The following SEMA3C variants were observed in gnomAD, a reference collection of about 807,000 sequenced individuals.
SEMA3C encodes the protein semaphorin 3C.
SEMA3C carries 47 observed loss-of-function variants against 89.4 expected under a neutral mutation model. The ratio of observed to expected loss-of-function variants is 0.53; its 90% confidence interval spans 0.42 to 0.67. SEMA3C has a LOEUF of 0.67. Among genes scored for constraint, SEMA3C ranks in the 30% least tolerant of loss-of-function variants. The pLI is 0.00. For missense variants in SEMA3C, 839 were observed against 929.1 expected (o/e 0.90, Z 1.26); for synonymous variants, 310 against 320.2 (o/e 0.97, Z 0.34).
intron 2 of SEMA3C, among the ~76,000 whole-genome samples, chr7:80,851,537 T>C (rs1377996499): frequency 7.4e-6 from 1 of 134,244 alleles, no homozygotes; most frequent in African/African-American, 2.8e-5. Flanking sequence ...AAAAAGACAT[T>C]CATAGTTTCT....
chr7:80,832,428 T>A (rs907426418), intron 2 of SEMA3C, among the ~76,000 whole-genome samples: 2 of 152,172 alleles, frequency 1.3e-5, no homozygotes, highest in Non-Finnish European at 1.5e-5. Context: ...AGATTATCTA[T>A]CTAATTAGAT....
intron 2 of SEMA3C, among the ~76,000 whole-genome samples, chr7:80,876,583 C>A (rs1304051752): frequency 6.6e-6 from 1 of 152,152 alleles, no homozygotes; most frequent in Non-Finnish European, 1.5e-5. Context: ...TGTAGTAAAA[C>A]ATTTGCAAAG....
intron 11 of SEMA3C, among the ~76,000 whole-genome samples, chr7:80,794,182 T>C (rs1043058014): frequency 1.5e-4 from 23 of 152,026 alleles, no homozygotes; most frequent in African/African-American, 5.1e-4. Context: ...TCTTGTAGTG[T>C]ATGCTGTACC....
At chr7:80,841,751 C>T (rs1217046391) in intron 2 of SEMA3C, among the ~76,000 whole-genome samples, 3 of 152,140 alleles carry the variant, frequency 2.0e-5, no homozygotes, top group African/African-American at 4.8e-5. Flanking sequence ...CTTTTGAACA[C>T]AGGAAAAATA....
At position 80,744,150 on chromosome 7, in the gene SEMA3C, A is replaced by G. The variant is rs561667556; in HGVS notation, c.*744T>C. On this transcript the variant is annotated 3_prime_UTR_variant, in exon 18 of 18. Coordinates refer to ENST00000265361, the MANE Select transcript of SEMA3C (RefSeq NM_006379.5). ...GAGTCTAAAATAAATAACTTCCAAAAAAAGTAAGTGCTTTTGTTTGGAAGG... is the reference window on the plus strand; with the variant it reads ...GAGTCTAAAATAAATAACTTCCAAAGAAAGTAAGTGCTTTTGTTTGGAAGG... The G allele has an allele frequency of 6.7e-6, 1 of 150,088 alleles. No individual in the cohort carries two copies. The highest frequency in any genetic ancestry group is 2.4e-5 in the African/African-American group (1 of 40,980). 9.3% of individuals were successfully genotyped at this position (150,088 alleles called of 1,614,324 possible). A position where few individuals can be genotyped will look rare whatever the true frequency, so the allele number is the denominator to read the frequency against.
chr7:80,919,173 C>G (rs1262675919), upstream of SEMA3C: 1 of 984,812 alleles, frequency 1.0e-6, no homozygotes, highest in East Asian at 1.1e-4. Context: ...CCGCGCAGCC[C>G]CGGCCGCATC....
rs566806118 is a variant in SEMA3C at position 80,764,524 on chromosome 7, C to T, written c.1443+631G>A. Among the ~76,000 whole-genome samples, 131 of 152,210 alleles carry T rather than the reference C, an allele frequency of 8.6e-4. 3 individuals carry two copies. The highest frequency in any genetic ancestry group is 3.0e-3 in the African/African-American group (123 of 41,528). ...ATAAAGAACATGCACTCTGCCCTGA[C>T]CAGGTGAGATCTTACAGTACTGAAC... On this transcript the variant is annotated intron_variant, in intron 13 of 17. Coordinates refer to ENST00000265361, the MANE Select transcript of SEMA3C (RefSeq NM_006379.5).
chr7:80,905,923 A>C, intron 2 of SEMA3C: 1 of 1,283,794 alleles, frequency 7.8e-7, no homozygotes, highest in Non-Finnish European at 1.0e-6. Context: ...GGCTCTGGAA[A>C]AGAGTCATGG....
In SEMA3C at chr7:80,742,853, CAG is replaced by C. The variant is rs1218704768; in HGVS notation, c.*2039_*2040del. The stretch of plus-strand genomic sequence containing the variant: ...AAAAAAAATTTTCTTTTACATTCAG[CAG>C]AGTTATGTTCATGAAGAATTTCTAC... On this transcript the variant is annotated 3_prime_UTR_variant, in exon 18 of 18. Transcript: ENST00000265361. The C allele has an allele frequency of 3.3e-5, 5 of 151,812 alleles. No individual in the cohort carries two copies. Among genetic ancestry groups the C allele is most frequent in the African/African-American group, 7.3e-5 (3 of 41,362 alleles). 9.4% of individuals were successfully genotyped at this position (151,812 alleles called of 1,614,324 possible).
chr7:80,844,256 C>A (rs1044207735), intron 2 of SEMA3C, among the ~76,000 whole-genome samples: 1 of 152,134 alleles, frequency 6.6e-6, no homozygotes, highest in African/African-American at 2.4e-5. Context: ...CAGTGTTATG[C>A]TATAAACTGA....
intron 2 of SEMA3C, among the ~76,000 whole-genome samples, chr7:80,859,250 T>C (rs973179600): frequency 1.3e-5 from 2 of 152,202 alleles, no homozygotes; most frequent in African/African-American, 4.8e-5. Flanking sequence ...GTTATATGTT[T>C]ATGCATACAT....
At chr7:80,828,436 C>G (rs562239842) in intron 3 of SEMA3C, 149 bp downstream of exon 3, 12 of 613,782 alleles carry the variant, frequency 2.0e-5, no homozygotes, top group Non-Finnish European at 3.1e-5. Flanking sequence ...CTTTTCAGTC[C>G]ATGAAATAAG....
intron 11 of SEMA3C, among the ~76,000 whole-genome samples, chr7:80,796,862 A>G (rs1421577650): frequency 6.6e-6 from 1 of 152,212 alleles, no homozygotes; most frequent in African/African-American, 2.4e-5. Flanking sequence ...TTTTTGGAAT[A>G]AAATATGCTC....
At chr7:80,824,613 C>A (rs1274836359) in intron 4 of SEMA3C, among the ~76,000 whole-genome samples, 1 of 152,082 alleles carries the variant, frequency 6.6e-6, no homozygotes, top group Admixed American at 6.6e-5. Context: ...CTTAAATAAC[C>A]CAGCTGTGCT....
At chr7:80,747,438 CTTGT>C (rs1787827751) in intron 17 of SEMA3C, among the ~76,000 whole-genome samples, 1 of 151,884 alleles carries the variant, frequency 6.6e-6, no homozygotes, top group Non-Finnish European at 1.5e-5. Context: ...TTAGTTGATC[CTTGT>C]TTAAGTATTA....
intron 15 of SEMA3C, among the ~76,000 whole-genome samples, chr7:80,753,400 G>A (rs1787982989): frequency 6.6e-6 from 1 of 152,056 alleles, no homozygotes; most frequent in Admixed American, 6.6e-5. Context: ...CATCCACAAT[G>A]GCTAAATTTA....
chr7:80,896,366 T>C (rs1791737887), intron 2 of SEMA3C, among the ~76,000 whole-genome samples: 1 of 152,218 alleles, frequency 6.6e-6, no homozygotes, highest in East Asian at 1.9e-4. Flanking sequence ...TTGCTCCAAC[T>C]CTAGGAGTCC....
intron 2 of SEMA3C, among the ~76,000 whole-genome samples, chr7:80,875,448 A>G (rs1303023947): frequency 6.6e-6 from 1 of 152,170 alleles, no homozygotes. Context: ...ATGATTAACC[A>G]ATTAATGTGG....
intron 2 of SEMA3C, among the ~76,000 whole-genome samples, chr7:80,852,929 C>T (rs893161142): frequency 1.5e-4 from 23 of 152,020 alleles, no homozygotes; most frequent in African/African-American, 4.3e-4. Flanking sequence ...CCGCCCGCCT[C>T]GGCCTCCCAA....
Sources: allele counts gnomAD v4.1 joint callset (sites outside exome capture counted in the v4.1 genomes callset), GRCh38; gene constraint gnomAD v4.1.1; transcripts MANE v1.5; gene names NCBI Gene and HGNC (gene_info 2026-07-23, HGNC 2026-07-21).